Variants in ZNF90 observed in about 807,000 individuals in gnomAD.
ZNF90 encodes the protein zinc finger protein HTF9.
Under a neutral mutation model 12.0 loss-of-function variants are expected in ZNF90, and 11 were observed. That is an observed-to-expected ratio of 0.92 (90% CI 0.58 to 1.52). The LOEUF (loss-of-function observed/expected upper bound fraction) is 1.52. Ranked by LOEUF, ZNF90 falls within the 40% of genes most tolerant of loss-of-function variation. The pLI is 0.00. For missense variants in ZNF90, 765 were observed against 711.5 expected (o/e 1.08, Z -0.86); for synonymous variants, 232 against 240.1 (o/e 0.97, Z 0.31).
At chr19:20,092,118 C>G (rs2088907246) in intron 1 of ZNF90, among the ~76,000 whole-genome samples, 1 of 152,010 alleles carries the variant, frequency 6.6e-6, no homozygotes, top group Non-Finnish European at 1.5e-5. Flanking sequence ...ATGTGGGAGG[C>G]CGCATTTAAG....
At chr19:20,079,239 G>A (rs747118006) in intron 1 of ZNF90, among the ~76,000 whole-genome samples, 24 of 151,532 alleles carry the variant, frequency 1.6e-4, no homozygotes, top group Non-Finnish European at 2.8e-4. Flanking sequence ...AATAACTCTG[G>A]CATGGAAATT....
At position 20,119,683 on chromosome 19, in the gene ZNF90, C is replaced by T. The variant is rs1627721; in HGVS notation, c.*323C>T. The T allele has an allele frequency of 0.14, 31,556 of 223,652 alleles. 3,237 individuals carry two copies. Among genetic ancestry groups the T allele is most frequent in the East Asian group, 0.52 (4,399 of 8,490 alleles). 13.9% of individuals were successfully genotyped at this position (223,652 alleles called of 1,614,324 possible). On this transcript the variant is annotated 3_prime_UTR_variant, in exon 4 of 4. Coordinates refer to ENST00000418063, the MANE Select transcript of ZNF90 (RefSeq NM_007138.2). Reference sequence around the variant, plus strand: ...TCACCCAGCCTGGAGTGCAATGGCACGATCTCTGCTCACTGCAACCTCTTC... The same window carrying T: ...TCACCCAGCCTGGAGTGCAATGGCATGATCTCTGCTCACTGCAACCTCTTC...
intron 1 of ZNF90, among the ~76,000 whole-genome samples, chr19:20,089,234 T>C (rs1162455338): frequency 6.6e-6 from 1 of 152,068 alleles, no homozygotes; most frequent in Non-Finnish European, 1.5e-5. Flanking sequence ...ACATTGAGTA[T>C]CTATGAGCAA....
chr19:20,109,253 G>A (rs2122514806), intron 3 of ZNF90, among the ~76,000 whole-genome samples: 1 of 152,272 alleles, frequency 6.6e-6, no homozygotes, highest in South Asian at 2.1e-4. Flanking sequence ...AGGTTTAAGA[G>A]ATAAATTGTG....
chr19:20,092,797 G>A (rs1398472298), intron 1 of ZNF90, among the ~76,000 whole-genome samples: 1 of 152,118 alleles, frequency 6.6e-6, no homozygotes, highest in African/African-American at 2.4e-5. Flanking sequence ...CTTTGGAGGG[G>A]GATACCCGAT....
intron 3 of ZNF90, among the ~76,000 whole-genome samples, chr19:20,106,775 A>T (rs564881161): frequency 7.2e-5 from 11 of 152,292 alleles, no homozygotes; most frequent in Admixed American, 7.2e-4. Context: ...AATTGGTTTT[A>T]GAAGGTAAAG....
chr19:20,097,466 G>C (rs2088957519), intron 1 of ZNF90, among the ~76,000 whole-genome samples: 4 of 152,038 alleles, frequency 2.6e-5, no homozygotes, highest in South Asian at 4.2e-4. Flanking sequence ...AATTTCACAG[G>C]GCAGCAATCA....
At chr19:20,096,936 TA>T (rs1166069298) in intron 1 of ZNF90, among the ~76,000 whole-genome samples, 1 of 152,200 alleles carries the variant, frequency 6.6e-6, no homozygotes, top group Non-Finnish European at 1.5e-5. Context: ...TTCAAGCAGC[TA>T]AACCACCTCC....
intron 1 of ZNF90, among the ~76,000 whole-genome samples, chr19:20,091,176 G>A (rs944121860): frequency 1.1e-4 from 16 of 152,136 alleles, no homozygotes; most frequent in Non-Finnish European, 1.6e-4. Flanking sequence ...TTTCTGACTC[G>A]AGGCATGTGA....
chr19:20,082,585 G>T (rs532400105), intron 1 of ZNF90, among the ~76,000 whole-genome samples: 1 of 152,284 alleles, frequency 6.6e-6, no homozygotes, highest in African/African-American at 2.4e-5. Context: ...CTTGTTAAAA[G>T]TCATCACCAC....
intron 1 of ZNF90, among the ~76,000 whole-genome samples, chr19:20,097,303 G>A (rs2088956249): frequency 6.6e-6 from 1 of 152,142 alleles, no homozygotes; most frequent in African/African-American, 2.4e-5. Flanking sequence ...TACTCTAGAG[G>A]GGACTTTTCC....
chr19:20,116,084 GCTGAC>G (rs2089134770), intron 3 of ZNF90, among the ~76,000 whole-genome samples: 2 of 152,266 alleles, frequency 1.3e-5, no homozygotes, highest in African/African-American at 4.8e-5. Context: ...TGTTGGCTAT[GCTGAC>G]CTTGAACTCC....
At chr19:20,083,065 C>T (rs548241779) in intron 1 of ZNF90, among the ~76,000 whole-genome samples, 27 of 152,276 alleles carry the variant, frequency 1.8e-4, no homozygotes, top group African/African-American at 6.3e-4. Context: ...ACCCTTCCCC[C>T]GCTATTACCC....
intron 1 of ZNF90, among the ~76,000 whole-genome samples, chr19:20,099,440 G>T (rs2088972898): frequency 6.6e-6 from 1 of 152,188 alleles, no homozygotes; most frequent in Non-Finnish European, 1.5e-5. Context: ...AATCACATGG[G>T]AGGAACGGTC....
Position 20,098,101 on chromosome 19 carries a change from C to T in ZNF90, c.4-6138C>T, listed in dbSNP as rs550488836. On this transcript the variant is annotated intron_variant, in intron 1 of 3. Transcript: ENST00000418063. ...CTGTCTACTTATATTCACGTTGTGT[C>T]AGCTTTTTGTTTTTTTCATGTAGAC... Among the ~76,000 whole-genome samples the T allele has an allele frequency of 7.9e-5, 12 of 152,240 alleles. No individual in the cohort carries two copies. In the South Asian group the frequency reaches 2.3e-3, roughly 29 times the overall value.
At position 20,118,792 on chromosome 19, in the gene ZNF90, C is replaced by T. The variant is rs782331160; in HGVS notation, c.1238C>T (p.Thr413Ile). The change falls in exon 4 of 4, where the codon ACT becomes ATT. Residue 413 changes from threonine (T) to isoleucine (I), a missense_variant. Thr to Ile is a moderately conservative substitution (Grantham distance 89, BLOSUM62 -1). Coordinates refer to ENST00000418063, the MANE Select transcript of ZNF90 (RefSeq NM_007138.2). ...GCCTTCAAGCGCTCCTCAACACTTA[C>T]TATACATAAGATAAGTCATACTGAA... ...GKAFKRSSTLTIHKISHTEEK... is the reference protein window; with the variant it reads ...GKAFKRSSTLIIHKISHTEEK... 3 of 1,602,742 alleles carry T rather than the reference C, an allele frequency of 1.9e-6. No individual in the cohort carries two copies. Among genetic ancestry groups the T allele is most frequent in the South Asian group, 2.2e-5 (2 of 90,006 alleles).
chr19:20,086,232 C>CTTTTTTTTTTTT (rs59433953), intron 1 of ZNF90, among the ~76,000 whole-genome samples: 1 of 99,796 alleles, frequency 1.0e-5, no homozygotes, highest in Non-Finnish European at 2.0e-5. Flanking sequence ...ATTTTCTTTT[C>CTTTTTTTTTTTT]TTTTTTTTTT....
At chr19:20,086,156 T>C (rs2088857388) in intron 1 of ZNF90, among the ~76,000 whole-genome samples, 1 of 152,142 alleles carries the variant, frequency 6.6e-6, no homozygotes. Flanking sequence ...TTCTATTACT[T>C]CATAACAATT....
intron 1 of ZNF90, chr19:20,079,731 C>G: frequency 5.1e-6 from 1 of 196,604 alleles, no homozygotes; most frequent in East Asian, 1.5e-4. Context: ...AGTTCAGGAG[C>G]TTGAGGGAGG....
Sources: gnomAD v4.1 joint callset for allele counts (sites outside exome capture counted in the v4.1 genomes callset) on GRCh38, gnomAD v4.1.1 for gene constraint, MANE v1.5 for transcripts, NCBI Gene and HGNC (gene_info 2026-07-23, HGNC 2026-07-21) for gene names.